The following MYOZ2 variants were observed in gnomAD, a reference collection of about 807,000 sequenced individuals.
MYOZ2 encodes the protein myozenin 2, also known as myozenin-2.
MYOZ2 carries 19 observed loss-of-function variants against 25.4 expected under a neutral mutation model. That is an observed-to-expected ratio of 0.75 (90% CI 0.52 to 1.10). The LOEUF is 1.10. Ranked by LOEUF, MYOZ2 falls within the 50% of genes least tolerant of loss-of-function variation. MYOZ2 has a pLI of 0.00. For missense variants in MYOZ2, 270 were observed against 317.9 expected, an observed-to-expected ratio of 0.85 and a Z score of 1.15; for synonymous variants, 92 against 106.9, an observed-to-expected ratio of 0.86 and a Z score of 0.86.
intron 2 of MYOZ2, among the ~76,000 whole-genome samples, chr4:119,138,977 C>A (rs1468643044): frequency 6.6e-6 from 1 of 152,072 alleles, no homozygotes; most frequent in South Asian, 2.1e-4. Flanking sequence ...GGAGTGATAA[C>A]CTCAAAGAAT....
rs189591666 is a variant in MYOZ2, at chr4:119,174,347, C to A, written c.560+9953C>A. On this transcript the variant is annotated intron_variant, in intron 5 of 5. Coordinates refer to ENST00000307128, the MANE Select transcript of MYOZ2 (RefSeq NM_016599.5). ...ATCTAGCTCAAGGTTTGTAAACACACCAGTCAGCACCCTGTGTCTAGCTCA... is the reference window on the plus strand; with the variant it reads ...ATCTAGCTCAAGGTTTGTAAACACAACAGTCAGCACCCTGTGTCTAGCTCA... Among the ~76,000 whole-genome samples the A allele has an allele frequency of 7.4e-4, 112 of 152,176 alleles. 1 individual carries two copies. The highest frequency in any genetic ancestry group is 2.5e-3 in the African/African-American group (105 of 41,480).
rs577910351 is a variant in MYOZ2 at position 119,162,807 on chromosome 4, G to A, written c.377-1404G>A. On this transcript the variant is annotated intron_variant, in intron 4 of 5. Transcript: ENST00000307128. ...GGGATGAGGGAGACTTTCGGATAAT[G>A]CTCTGTCTTGGGCATCTGAGAGTAA... is the stretch of plus-strand genomic sequence containing the variant. 1.1e-4 allele frequency among the ~76,000 whole-genome samples: 16 copies of A among 152,274 alleles called. No individual in the cohort carries two copies. In the South Asian group the frequency reaches 3.3e-3, roughly 32 times the overall value.
At chr4:119,177,999 C>A (rs998656884) in intron 5 of MYOZ2, among the ~76,000 whole-genome samples, 12 of 152,094 alleles carry the variant, frequency 7.9e-5, no homozygotes, top group African/African-American at 2.9e-4. Flanking sequence ...ATGGCACATT[C>A]TCTCTTGAAT....
At chr4:119,166,733 A>G (rs1741834054) in intron 5 of MYOZ2, among the ~76,000 whole-genome samples, 2 of 152,164 alleles carry the variant, frequency 1.3e-5, no homozygotes, top group African/African-American at 4.8e-5. Context: ...CATTTTTCCA[A>G]CATCATGTGC....
chr4:119,140,086 G>T (rs889418282), intron 2 of MYOZ2, among the ~76,000 whole-genome samples: 1 of 152,220 alleles, frequency 6.6e-6, no homozygotes, highest in Non-Finnish European at 1.5e-5. Context: ...AGAAAATGAG[G>T]AAGGCTGGAT....
At chr4:119,175,078 T>A (rs957592075) in intron 5 of MYOZ2, among the ~76,000 whole-genome samples, 2 of 151,812 alleles carry the variant, frequency 1.3e-5, no homozygotes, top group African/African-American at 2.4e-5. Flanking sequence ...TTAAGAGCTG[T>A]AACACTCACC....
chr4:119,142,546 C>T (rs1578724046), intron 2 of MYOZ2, among the ~76,000 whole-genome samples: 2 of 152,212 alleles, frequency 1.3e-5, no homozygotes, highest in East Asian at 3.9e-4. Context: ...CGAGCAACTC[C>T]CGGGAAATTG....
At chr4:119,174,687 G>T (rs1742018136) in intron 5 of MYOZ2, among the ~76,000 whole-genome samples, 1 of 152,178 alleles carries the variant, frequency 6.6e-6, no homozygotes, top group Non-Finnish European at 1.5e-5. Context: ...TCAGCAGGAT[G>T]TGGGTGGGGC....
chr4:119,172,208 C>G lies in MYOZ2; in HGVS notation c.560+7814C>G, dbSNP rs576651042. ...AGGAGCAAGGAGGCTTGTAACCCCC[C>G]AAAGGGTTCTCCTTGCCCCCTGCCT... is the stretch of plus-strand genomic sequence containing the variant. On this transcript the variant is annotated intron_variant, in intron 5 of 5. Transcript: ENST00000307128. Among the ~76,000 whole-genome samples the G allele has an allele frequency of 3.9e-4, 60 of 152,344 alleles. No individual in the cohort carries two copies. In the South Asian group the frequency reaches 7.3e-3, roughly 18 times the overall value.
chr4:119,179,728 C>T (rs1359806873), intron 5 of MYOZ2, among the ~76,000 whole-genome samples: 1 of 152,202 alleles, frequency 6.6e-6, no homozygotes, highest in Non-Finnish European at 1.5e-5. Flanking sequence ...CTTGGGAAGT[C>T]CAAGATCAAA....
At position 119,185,475 on chromosome 4, in the gene MYOZ2, C is replaced by T. The variant is rs367727464; in HGVS notation, c.561-491C>T. On this transcript the variant is annotated intron_variant, in intron 5 of 5. Transcript: ENST00000307128. ...GATTTCAGGTGCCCGCCACCATGCC[C>T]GGCTAATTTTTGTAATTTTAGTAGA... Among the ~76,000 whole-genome samples, 21 of 152,040 alleles carry T rather than the reference C, an allele frequency of 1.4e-4. No individual in the cohort carries two copies. In the East Asian group the frequency reaches 1.7e-3, roughly 13 times the overall value.
chr4:119,167,762 A>G (rs1315725491), intron 5 of MYOZ2, among the ~76,000 whole-genome samples: 3 of 152,204 alleles, frequency 2.0e-5, no homozygotes, highest in African/African-American at 7.2e-5. Context: ...GCCCTTGAGA[A>G]TCATGCTAAA....
chr4:119,179,302 C>T (rs1742140751), intron 5 of MYOZ2, among the ~76,000 whole-genome samples: 1 of 152,170 alleles, frequency 6.6e-6, no homozygotes, highest in Admixed American at 6.5e-5. Context: ...TTCCTTAGGC[C>T]TGAAATGCTT....
intron 5 of MYOZ2, among the ~76,000 whole-genome samples, chr4:119,170,986 G>A (rs1741935159): frequency 6.6e-6 from 1 of 152,100 alleles, no homozygotes; most frequent in African/African-American, 2.4e-5. Flanking sequence ...CTGAAATGAT[G>A]GGAGAGAGTG....
chr4:119,175,113 G>A (rs1244435458), intron 5 of MYOZ2, among the ~76,000 whole-genome samples: 1 of 151,494 alleles, frequency 6.6e-6, no homozygotes, highest in Non-Finnish European at 1.5e-5. Flanking sequence ...CTTCATTCTT[G>A]AAGTCAGTGA....
In MYOZ2 at chr4:119,136,576, C is replaced by T. The variant is rs776996862; in HGVS notation, c.51C>T (p.Ala17=). 4.3e-6 allele frequency: 7 copies of T among 1,613,494 alleles called. No homozygotes were observed. In the South Asian group the frequency reaches 7.7e-5, roughly 18 times the overall value. ...MMKQRKQQAT[A]IMKEVHGNDV... is the part of the protein sequence containing the mutation. ...AGCAGAGAAAACAGCAAGCAACAGC[C>T]ATCATGAAGGAAGTCCATGGAAATG... is the stretch of plus-strand genomic sequence containing the variant. Residue 17 remains alanine, a synonymous_variant, in exon 2 of 6, where the codon GCC becomes GCT. Coordinates refer to ENST00000307128, the MANE Select transcript of MYOZ2 (RefSeq NM_016599.5).
intron 2 of MYOZ2, among the ~76,000 whole-genome samples, chr4:119,137,280 CTT>C (rs1335605365): frequency 1.3e-5 from 2 of 152,068 alleles, no homozygotes; most frequent in African/African-American, 4.8e-5. Context: ...TAGCAACTAA[CTT>C]GAGAAAGCAA....
In MYOZ2 at chr4:119,149,399, A is replaced by G. The variant is rs182951953; in HGVS notation, c.77-1473A>G. ...TTAACGTGGGTGAGAGCGAAGTCAA[A>G]GTGTTTTCTGTGGTGGTTGGCTAAA... is the stretch of plus-strand genomic sequence containing the variant. On this transcript the variant is annotated intron_variant, in intron 2 of 5. Transcript: ENST00000307128. 2.4e-4 allele frequency among the ~76,000 whole-genome samples: 36 copies of G among 152,348 alleles called. No individual in the cohort carries two copies. The East Asian group carries it at 6.6e-3, about 28-fold the overall frequency.
intron 5 of MYOZ2, among the ~76,000 whole-genome samples, chr4:119,171,486 C>G (rs1021780522): frequency 6.6e-6 from 1 of 151,738 alleles, no homozygotes; most frequent in African/African-American, 2.4e-5. Flanking sequence ...CTAAATGTGA[C>G]AAAAGCCATT....
Sources: gnomAD v4.1 joint callset for allele counts (sites outside exome capture counted in the v4.1 genomes callset) on GRCh38, gnomAD v4.1.1 for gene constraint, MANE v1.5 for transcripts, NCBI Gene and HGNC (gene_info 2026-07-23, HGNC 2026-07-21) for gene names.